The following RGPD1 variants were observed in gnomAD, a reference collection of about 807,000 sequenced individuals.
RGPD1 encodes RANBP2-like and GRIP domain-containing protein 1.
In RGPD1, 7 loss-of-function variants were observed where a neutral mutation model predicts 40.6. The ratio of observed to expected loss-of-function variants is 0.17; its 90% CI spans 0.10 to 0.32. The LOEUF (loss-of-function observed/expected upper bound fraction) is 0.32. RGPD1 is among the 10% of genes least tolerant of loss of function. RGPD1 has a pLI of 1.00. For missense variants in RGPD1, 50 were observed against 472.5 expected (o/e 0.11, Z 8.29); for synonymous variants, 24 against 167.0 (o/e 0.14, Z 6.60).
chr2:86,931,757 A>G (rs1383874561), intron 1 of RGPD1, among the ~76,000 whole-genome samples: 3 of 150,710 alleles, frequency 2.0e-5, no homozygotes, highest in African/African-American at 7.3e-5. Context: ...AAAAGTAAAC[A>G]TAAAACTACA....
chr2:86,938,949 A>G, upstream of RGPD1, among the ~76,000 whole-genome samples: 1 of 124,070 alleles, frequency 8.1e-6, no homozygotes, highest in African/African-American at 3.0e-5. Flanking sequence ...TCAAAAACAT[A>G]GTATCTGTGA....
intron 22 of RGPD1, among the ~76,000 whole-genome samples, chr2:87,007,423 G>T (rs1213467051): frequency 6.6e-6 from 1 of 152,256 alleles, no homozygotes; most frequent in Admixed American, 6.5e-5. Flanking sequence ...TGTTTCCCAG[G>T]CTGGAGTGCA....
intron 22 of RGPD1, among the ~76,000 whole-genome samples, chr2:87,009,048 A>G (rs1166114667): frequency 1.1e-3 from 164 of 149,608 alleles, no homozygotes; most frequent in Non-Finnish European, 1.6e-4. Context: ...GCTTACGCCT[A>G]TAATGCCAGC....
Position 86,942,261 on chromosome 2 carries a change from G to T in RGPD1, c.25G>T (p.Glu9Ter), listed in dbSNP as rs1366227122. MRRSKAYG[E>*]RYVASVQGSA... ...GATGAGGCGCAGCAAGGCCTACGGG[G>T]AGCGGTACGTCGCCTCGGTGCAGGG... The change falls in exon 1 of 23, where the codon GAG becomes TAG. Residue 9 changes from glutamate (E) to a stop codon, truncating the protein, a stop_gained. Coordinates refer to ENST00000641458, the MANE Select transcript of RGPD1 (RefSeq NM_001382344.1). LOFTEE classifies it high-confidence loss of function. 3.1e-6 allele frequency: 5 copies of T among 1,607,640 alleles called. No homozygotes were observed. In the South Asian group the frequency reaches 3.3e-5, roughly 11 times the overall value.
upstream of RGPD1, among the ~76,000 whole-genome samples, chr2:86,940,783 A>G (rs1454090371): frequency 6.0e-5 from 9 of 150,738 alleles, no homozygotes; most frequent in South Asian, 1.9e-3. Context: ...CTGTCCTACC[A>G]TTTCATCTTC....
Position 86,913,997 on chromosome 2 carries a change from G to T in RGPD1, c.72+76G>T. 2 of 744,948 alleles carry T rather than the reference G, an allele frequency of 2.7e-6. 1 individual carries two copies. Among genetic ancestry groups the T allele is most frequent in the Non-Finnish European group, 3.1e-6 (2 of 640,158 alleles). The allele number at this position is 744,948 out of a possible 1,614,324, so 46.1% of individuals were successfully genotyped here. A position where few individuals can be genotyped will look rare whatever the true frequency, so the allele number is the denominator to read the frequency against. On this transcript the variant is annotated intron_variant, in intron 1 of 22. Coordinates refer to the RGPD1 transcript ENST00000398193. ...CTCGACCTGGCCGGGCGGCGGCGGC[G>T]GCCTCGGCCTCGGCCTGGCCGGGCG...
chr2:86,933,310 A>T (rs1307260647), intron 1 of RGPD1, among the ~76,000 whole-genome samples: 1 of 150,148 alleles, frequency 6.7e-6, no homozygotes, highest in East Asian at 1.9e-4. Context: ...TTTGAGTCTC[A>T]GAAAAAAAAG....
At chr2:86,929,365 C>T (rs1160603730) in intron 1 of RGPD1, among the ~76,000 whole-genome samples, 2 of 151,724 alleles carry the variant, frequency 1.3e-5, no homozygotes, top group Non-Finnish European at 2.9e-5. Context: ...CATTGATGCC[C>T]CCGGAGTTGT....
At chr2:86,942,003 C>T (rs946219538), upstream of RGPD1, among the ~76,000 whole-genome samples, 2 of 151,836 alleles carry the variant, frequency 1.3e-5, no homozygotes, top group Non-Finnish European at 2.9e-5. Flanking sequence ...TGAGCCACGG[C>T]GCCCGGCGGG....
At chr2:86,942,410 G>C in intron 1 of RGPD1, 102 bp downstream of exon 1, 1 of 1,140,050 alleles carries the variant, frequency 8.8e-7, no homozygotes, top group Non-Finnish European at 1.1e-6. Flanking sequence ...GGCCTCGATG[G>C]CTCAGGCGTC....
chr2:86,947,693 T>A (rs1431638491), intron 1 of RGPD1, among the ~76,000 whole-genome samples: 5 of 140,448 alleles, frequency 3.6e-5, no homozygotes, highest in Non-Finnish European at 6.2e-5. Flanking sequence ...TTGTTCTGCC[T>A]TTTGAGAGAT....
At chr2:86,916,512 T>TG (rs1408846503) in intron 1 of RGPD1, among the ~76,000 whole-genome samples, 2 of 31,912 alleles carry the variant, frequency 6.3e-5, no homozygotes, top group African/African-American at 1.1e-4. Context: ...TCATAGTGAC[T>TG]TTTTTTTTTT....
intron 1 of RGPD1, among the ~76,000 whole-genome samples, chr2:86,925,184 T>C (rs539162287): frequency 1.4e-4 from 22 of 152,232 alleles, no homozygotes; most frequent in South Asian, 6.2e-4. Context: ...CTTGACCATA[T>C]TTTCCCTTAG....
At chr2:86,939,520 A>C (rs577507572), upstream of RGPD1, among the ~76,000 whole-genome samples, 2 of 145,676 alleles carry the variant, frequency 1.4e-5, no homozygotes. Context: ...CAGAGGTTGC[A>C]ATGAGCCGAG....
At chr2:86,932,817 A>AT (rs1254566221) in intron 1 of RGPD1, among the ~76,000 whole-genome samples, 1 of 18,646 alleles carries the variant, frequency 5.4e-5, no homozygotes, top group Non-Finnish European at 1.1e-4. Flanking sequence ...AGAAGTCGGT[A>AT]TCATCATCAT....
At chr2:86,930,946 A>G (rs1320911285) in intron 1 of RGPD1, among the ~76,000 whole-genome samples, 1 of 106,350 alleles carries the variant, frequency 9.4e-6, no homozygotes, top group Non-Finnish European at 1.9e-5. Flanking sequence ...ATCACAAGAG[A>G]ACGCCAGTTT....
At chr2:86,933,197 C>T (rs561945028) in intron 1 of RGPD1, among the ~76,000 whole-genome samples, 14 of 150,456 alleles carry the variant, frequency 9.3e-5, no homozygotes, top group East Asian at 3.9e-4. Flanking sequence ...TTTTCCTCCT[C>T]GTAAAATTCC....
intron 1 of RGPD1, among the ~76,000 whole-genome samples, chr2:86,945,568 T>C (rs541916510): frequency 1.1e-3 from 169 of 152,320 alleles, no homozygotes; most frequent in African/African-American, 4.0e-3. Flanking sequence ...CATTGTGCTT[T>C]CATTTGTTAG....
chr2:86,913,668 C>G (rs1022893339), upstream of RGPD1: 120 of 1,266,728 alleles, frequency 9.5e-5, no homozygotes, highest in East Asian at 2.1e-4. Context: ...AGAGCCCGGC[C>G]GAGTGCAGCT....
Sources: gnomAD v4.1 joint callset for allele counts (sites outside exome capture counted in the v4.1 genomes callset) on GRCh38, gnomAD v4.1.1 for gene constraint, MANE v1.5 for transcripts, NCBI Gene and HGNC (gene_info 2026-07-23, HGNC 2026-07-21) for gene names.